Variants in GCC2 observed in about 807,000 individuals in gnomAD.
GCC2 encodes the protein GRIP and coiled-coil domain containing 2.
GCC2 carries 120 observed loss-of-function variants against 210.6 expected under a neutral mutation model. The observed-to-expected ratio is 0.57, with a 90% CI of 0.49 to 0.66. The LOEUF (loss-of-function observed/expected upper bound fraction) is 0.66, where lower values mean the gene tolerates loss of function less well. GCC2 is among the 30% of genes least tolerant of loss of function. GCC2 has a pLI of 0.00. For missense variants in GCC2, 1,868 were observed against 1,871.9 expected (o/e 1.00, Z 0.04); for synonymous variants, 703 against 652.7 (o/e 1.08, Z -1.17).
chr2:108,493,571 T>C, intron 19 of GCC2: 1 of 985,410 alleles, frequency 1.0e-6, no homozygotes, highest in Non-Finnish European at 1.2e-6. Flanking sequence ...CATTTACAAT[T>C]AGTTGGAGTT....
chr2:108,474,259 G>A (rs189398928), intron 7 of GCC2, among the ~76,000 whole-genome samples: 81 of 152,304 alleles, frequency 5.3e-4, no homozygotes, highest in Admixed American at 1.6e-3. Context: ...ACATAGAGAA[G>A]ATAGAGACAA....
intron 9 of GCC2, among the ~76,000 whole-genome samples, chr2:108,480,003 A>C (rs1165591223): frequency 7.9e-6 from 1 of 127,350 alleles, no homozygotes; most frequent in African/African-American, 2.6e-5. Flanking sequence ...AAAAAAAAAA[A>C]AAAAAACGAA....
chr2:108,494,936 C>G (rs979455807), intron 19 of GCC2: 14 of 158,796 alleles, frequency 8.8e-5, no homozygotes, highest in Admixed American at 3.2e-4. Flanking sequence ...CTCAGCCTCC[C>G]CAGCAGCTGG....
At chr2:108,455,443 A>G (rs1680206680) in intron 4 of GCC2, among the ~76,000 whole-genome samples, 1 of 150,544 alleles carries the variant, frequency 6.6e-6, no homozygotes, top group African/African-American at 2.4e-5. Context: ...CGTCTCAAGA[A>G]AAAAAAAAAA....
At chr2:108,463,319 A>T (rs541511136) in intron 4 of GCC2, among the ~76,000 whole-genome samples, 13 of 152,076 alleles carry the variant, frequency 8.5e-5, no homozygotes, top group Non-Finnish European at 1.6e-4. Context: ...CTGGTATAAT[A>T]GTCACTTTTT....
At chr2:108,462,961 G>C (rs1680688389) in intron 4 of GCC2, among the ~76,000 whole-genome samples, 1 of 151,300 alleles carries the variant, frequency 6.6e-6, no homozygotes, top group Non-Finnish European at 1.5e-5. Context: ...TCTTTCTTTT[G>C]CTTGATCTAG....
At chr2:108,488,871 A>G (rs542387974) in intron 17 of GCC2, among the ~76,000 whole-genome samples, 45 of 152,324 alleles carry the variant, frequency 3.0e-4, no homozygotes, top group African/African-American at 9.6e-4. Context: ...CTGTAGATTG[A>G]AACATGGTAT....
At chr2:108,482,784 C>G (rs1318882210) in intron 11 of GCC2, among the ~76,000 whole-genome samples, 1 of 152,144 alleles carries the variant, frequency 6.6e-6, no homozygotes, top group African/African-American at 2.4e-5. Context: ...TCATGCCATT[C>G]TCCTGCCTCA....
intron 9 of GCC2, among the ~76,000 whole-genome samples, chr2:108,480,205 T>G (rs1681777909): frequency 6.6e-6 from 1 of 152,098 alleles, no homozygotes; most frequent in Non-Finnish European, 1.5e-5. Flanking sequence ...AAACCATAAT[T>G]AGATACCACC....
rs373554463 is a variant in GCC2, at chr2:108,469,753, C to A, written c.424C>A (p.Arg142Ser). Residue 142 changes from arginine (R) to serine (S), a missense_variant, in exon 6 of 23, where the codon CGT (arginine) becomes AGT (serine). Coordinates refer to ENST00000309863, the MANE Select transcript of GCC2 (RefSeq NM_181453.4). ...ENLKNELMAV[R>S]SKYSEDKANL... ...TTTGAAAAATGAGTTGATGGCAGTACGTTCCAAATACAGTGAAGACAAAGC... is the reference window on the plus strand; with the variant it reads ...TTTGAAAAATGAGTTGATGGCAGTAAGTTCCAAATACAGTGAAGACAAAGC... 1.0e-4 allele frequency: 161 copies of A among 1,613,196 alleles called. No individual in the cohort carries two copies. Among genetic ancestry groups the A allele is most frequent in the Non-Finnish European group, 1.3e-4 (150 of 1,179,414 alleles).
intron 11 of GCC2, among the ~76,000 whole-genome samples, chr2:108,482,738 G>A (rs1442832855): frequency 6.6e-6 from 1 of 151,706 alleles, no homozygotes; most frequent in African/African-American, 2.4e-5. Flanking sequence ...GTGCAGTGGC[G>A]CAATCTCAGC....
chr2:108,454,834 A>G (rs1300907647), intron 4 of GCC2, among the ~76,000 whole-genome samples: 2 of 152,162 alleles, frequency 1.3e-5, no homozygotes, highest in East Asian at 3.8e-4. Flanking sequence ...TGGGTTGGTC[A>G]CATAAGTACC....
rs1178718870 is a variant in GCC2, at chr2:108,468,981, C to T, written c.218C>T (p.Ala73Val). The change falls in exon 5 of 23, where the codon GCA becomes GTA. Residue 73 changes from alanine (A) to valine (V), a missense_variant and splice_region_variant. Ala to Val is a moderately conservative substitution (Grantham distance 64). This residue lies in a region of GCC2 where 1,847 missense variants were observed against 1,765.2 expected (regional missense o/e 1.05). Transcript: ENST00000309863. ...VTEGTGDIIK[A>V]LTERLDALLL... ...CAAATAAATCTTGTTCTAAAATAGGCATTAACTGAACGTCTGGATGCTCTT... is the reference window on the plus strand; with the variant it reads ...CAAATAAATCTTGTTCTAAAATAGGTATTAACTGAACGTCTGGATGCTCTT... 4 of 1,595,754 alleles carry T rather than the reference C, an allele frequency of 2.5e-6. No individual in the cohort carries two copies. The highest frequency in any genetic ancestry group is 3.4e-6 in the Non-Finnish European group (4 of 1,163,830).
At chr2:108,454,317 C>T (rs1186611820) in intron 4 of GCC2, among the ~76,000 whole-genome samples, 1 of 152,212 alleles carries the variant, frequency 6.6e-6, no homozygotes, top group African/African-American at 2.4e-5. Flanking sequence ...ATTTTCTCAT[C>T]AGTGGCTCCC....
intron 4 of GCC2, among the ~76,000 whole-genome samples, chr2:108,453,220 T>C (rs1680054851): frequency 6.6e-6 from 1 of 152,258 alleles, no homozygotes; most frequent in South Asian, 2.1e-4. Flanking sequence ...GTTAGACCAG[T>C]GGCACCACAG....
At position 108,471,275 on chromosome 2, in the gene GCC2, C is replaced by T; in HGVS notation, c.1946C>T (p.Thr649Ile). 1 of 1,610,206 alleles carries T rather than the reference C, an allele frequency of 6.2e-7. No individual in the cohort carries two copies. Among genetic ancestry groups the T allele is most frequent in the African/African-American group, 1.3e-5 (1 of 74,700 alleles). Residue 649 changes from threonine to isoleucine, a missense_variant, in exon 6 of 23, where the codon ACA (threonine) becomes ATA (isoleucine). Transcript: ENST00000309863. The stretch of plus-strand genomic sequence containing the variant: ...CTAGAACAAAAGGTAAATGAATTAA[C>T]AGGAGGACTAGAGGAGACTTTAAAA... ...SELEQKVNEL[T>I]GGLEETLKEK...
Position 108,492,742 on chromosome 2 carries a change from A to G in GCC2, c.4399A>G (p.Lys1467Glu), listed in dbSNP as rs1273335952. The change falls in exon 19 of 23, where the codon AAG becomes GAG. Residue 1467 changes from lysine to glutamate, a missense_variant. Lys to Glu is a moderately conservative substitution (Grantham distance 56). This residue lies in a region of GCC2 where 1,847 missense variants were observed against 1,765.2 expected (regional missense o/e 1.05). Transcript: ENST00000309863. Reference sequence around the variant, plus strand: ...GGAGACATTACAGCAGCAGCTCTCCAAGATGGAAGCACAGCTCTTCCAGCT... The same window carrying G: ...GGAGACATTACAGCAGCAGCTCTCCGAGATGGAAGCACAGCTCTTCCAGCT... ...TVETLQQQLS[K>E]MEAQLFQLKN... is the part of the protein sequence containing the mutation. 6.2e-7 allele frequency: 1 copy of G among 1,614,152 alleles called. No individual in the cohort carries two copies. Among genetic ancestry groups the G allele is most frequent in the South Asian group, 1.1e-5 (1 of 91,080 alleles).
At chr2:108,476,560 G>A (rs754280794) in intron 9 of GCC2, among the ~76,000 whole-genome samples, 1 of 152,040 alleles carries the variant, frequency 6.6e-6, no homozygotes, top group African/African-American at 2.4e-5. Context: ...ACATGAAAAT[G>A]TATTATTAAA....
intron 16 of GCC2, among the ~76,000 whole-genome samples, chr2:108,487,025 GAC>G (rs1682173793): frequency 1.3e-5 from 2 of 152,260 alleles, no homozygotes; most frequent in Admixed American, 1.3e-4. Context: ...CCAAAACAGA[GAC>G]AGTGCAGTGG....
Sources: gnomAD v4.1 joint callset for allele counts (sites outside exome capture counted in the v4.1 genomes callset) on GRCh38, gnomAD v4.1.1 for gene constraint, gnomAD v4.1.1 regional missense constraint, MANE v1.5 for transcripts, NCBI Gene and HGNC (gene_info 2026-07-23, HGNC 2026-07-21) for gene names.